PAMR1: variants seen among roughly 807,000 people sequenced by gnomAD.
PAMR1 encodes the protein inactive serine protease PAMR1.
A neutral mutation model predicts 81.8 loss-of-function variants in PAMR1; 88 were observed. That is an observed-to-expected ratio of 1.08 (90% CI 0.91 to 1.28). The LOEUF is 1.28. Ranked by LOEUF, PAMR1 falls within the 50% of genes most tolerant of loss-of-function variation. The probability of loss-of-function intolerance (pLI) is 0.00; values close to 1 mark genes in which losing one functional copy is unlikely to be tolerated. For synonymous variants in PAMR1, 336 were observed against 345.3 expected (o/e 0.97, Z 0.30); for missense variants, 935 against 919.7 (o/e 1.02, Z -0.21).
intron 6 of PAMR1, among the ~76,000 whole-genome samples, chr11:35,445,559 T>C (rs1298027568): frequency 6.7e-6 from 1 of 150,036 alleles, no homozygotes; most frequent in Non-Finnish European, 1.5e-5. Context: ...GGATGTTGAA[T>C]TTTATCAAAG....
At chr11:35,525,719 C>T, upstream of PAMR1, 1 of 700,308 alleles carries the variant, frequency 1.4e-6, no homozygotes, top group Non-Finnish European at 2.5e-6. Context: ...GCTCGCCAGG[C>T]TCTCCCATCC....
chr11:35,432,982 A>C, intron 10 of PAMR1, 90 bp from the exon 11 acceptor site: 3 of 1,139,946 alleles, frequency 2.6e-6, no homozygotes, highest in Non-Finnish European at 3.7e-6. Flanking sequence ...TTTTTGGGAG[A>C]AAATGTCTAA....
intron 5 of PAMR1, among the ~76,000 whole-genome samples, chr11:35,469,121 A>AAAGATT (rs2135377021): frequency 6.6e-6 from 1 of 152,342 alleles, no homozygotes; most frequent in African/African-American, 2.4e-5. Flanking sequence ...GAGCAAGAGA[A>AAAGATT]AAGATTTAGG....
chr11:35,480,332 A>G (rs1050824524), intron 3 of PAMR1, among the ~76,000 whole-genome samples: 3 of 152,198 alleles, frequency 2.0e-5, no homozygotes, highest in African/African-American at 4.8e-5. Flanking sequence ...TCTTCACCCA[A>G]AGTTGCCAGG....
chr11:35,441,460 T>C (rs771892466), intron 7 of PAMR1, 21 bp downstream of exon 7: 1 of 1,578,346 alleles, frequency 6.3e-7, no homozygotes. Flanking sequence ...TCCGTAGACT[T>C]CAGAAACAAT....
At chr11:35,482,754 C>T (rs199979766) in intron 3 of PAMR1, among the ~76,000 whole-genome samples, 2 of 151,986 alleles carry the variant, frequency 1.3e-5, no homozygotes, top group East Asian at 3.9e-4. Flanking sequence ...AGTTAATGTC[C>T]CTTGTTATCT....
At chr11:35,460,449 A>G (rs565743739) in intron 6 of PAMR1, among the ~76,000 whole-genome samples, 2 of 152,034 alleles carry the variant, frequency 1.3e-5, no homozygotes, top group African/African-American at 4.8e-5. Context: ...TACATTAGGT[A>G]TATCTCCTAA....
In PAMR1 at chr11:35,460,784, T is replaced by C. The variant is rs1292203588; in HGVS notation, c.820+7217A>G. Among the ~76,000 whole-genome samples the C allele has an allele frequency of 1.1e-4, 17 of 152,206 alleles. 1 individual carries two copies. Among genetic ancestry groups the C allele is most frequent in the Non-Finnish European group, 2.2e-4 (15 of 68,034 alleles). On this transcript the variant is annotated intron_variant, in intron 6 of 10. Transcript: ENST00000619888. ...ATTGTGAATAGTGCTGCAATAAACATACGTGTGTGTGCATCTTTATAGCAG... is the reference window on the plus strand; with the variant it reads ...ATTGTGAATAGTGCTGCAATAAACACACGTGTGTGTGCATCTTTATAGCAG...
chr11:35,498,106 G>C (rs906606642), intron 1 of PAMR1, among the ~76,000 whole-genome samples: 1 of 152,154 alleles, frequency 6.6e-6, no homozygotes, highest in African/African-American at 2.4e-5. Context: ...AGTGGAATGT[G>C]TGTTATTAAT....
chr11:35,497,241 G>C (rs187351322), intron 1 of PAMR1, among the ~76,000 whole-genome samples: 60 of 152,130 alleles, frequency 3.9e-4, no homozygotes, highest in African/African-American at 1.3e-3. Flanking sequence ...ATATTATTCA[G>C]CCATGAAAAG....
intron 6 of PAMR1, among the ~76,000 whole-genome samples, chr11:35,453,721 T>C (rs552422208): frequency 1.3e-5 from 2 of 152,350 alleles, no homozygotes; most frequent in East Asian, 3.9e-4. Context: ...TTCTTTCCTA[T>C]TTGAGTTTTT....
intron 1 of PAMR1, among the ~76,000 whole-genome samples, chr11:35,499,872 G>A (rs1324254862): frequency 6.6e-6 from 1 of 152,198 alleles, no homozygotes; most frequent in East Asian, 1.9e-4. Context: ...TGAGATGAGA[G>A]GCATATGCTG....
chr11:35,451,295 A>T (rs1257291825), intron 6 of PAMR1, among the ~76,000 whole-genome samples: 2 of 152,236 alleles, frequency 1.3e-5, no homozygotes. Context: ...GAGATTGAGA[A>T]CAATTTAGAT....
chr11:35,436,047 C>T lies in PAMR1; in HGVS notation c.1189G>A (p.Gly397Arg), dbSNP rs1353658377. 1 of 1,613,958 alleles carries T rather than the reference C, an allele frequency of 6.2e-7. No homozygotes were observed. Among genetic ancestry groups the T allele is most frequent in the African/African-American group, 1.3e-5 (1 of 74,892 alleles). ...TGTTGGTATCCCATGGGCAGATCTC[C>T]AAAGGGAAGGGCTGGCTTCTTGGTA... is the stretch of plus-strand genomic sequence containing the variant. Reference protein sequence around the residue: ...APTKKPALPFGDLPMGYQHLH... With the variant: ...APTKKPALPFRDLPMGYQHLH... The change falls in exon 9 of 11, where the codon GGA becomes AGA. Residue 397 changes from glycine (G) to arginine (R), a missense_variant. By Grantham distance (125) the Gly-to-Arg change is moderately radical (BLOSUM62 -2). Transcript: ENST00000619888.
Position 35,432,397 on chromosome 11 carries a change from C to A in PAMR1, c.2122G>T (p.Val708Leu). ...SHRLSTAFTK[V>L]LPFKDWIERN... ...TCAATCCAGTCTTTAAAAGGCAGCA[C>A]CTTGGTGAAGGCAGTGGAGAGCCTG... Residue 708 changes from valine (V) to leucine (L), a missense_variant, in exon 11 of 11, where the codon GTG becomes TTG. Transcript: ENST00000619888. 6.2e-7 allele frequency: 1 copy of A among 1,613,834 alleles called. No homozygotes were observed. Among genetic ancestry groups the A allele is most frequent in the Non-Finnish European group, 8.5e-7 (1 of 1,180,038 alleles).
chr11:35,447,271 C>T lies in PAMR1; in HGVS notation c.821-5578G>A, dbSNP rs185632500. Among the ~76,000 whole-genome samples, 416 of 144,890 alleles carry T rather than the reference C, an allele frequency of 2.9e-3. 3 individuals carry two copies. Among genetic ancestry groups the T allele is most frequent in the Non-Finnish European group, 5.0e-3 (338 of 66,978 alleles). ...AGGCTGCAGTGCAGTGGTGCGATCTCGGCTCACTGCAAGCTCTGCCTCCCA... is the reference window on the plus strand; with the variant it reads ...AGGCTGCAGTGCAGTGGTGCGATCTTGGCTCACTGCAAGCTCTGCCTCCCA... On this transcript the variant is annotated intron_variant, in intron 6 of 10. Transcript: ENST00000619888.
At chr11:35,441,927 A>G (rs1856180120) in intron 6 of PAMR1, among the ~76,000 whole-genome samples, 2 of 152,218 alleles carry the variant, frequency 1.3e-5, no homozygotes, top group South Asian at 2.1e-4. Flanking sequence ...AATAAATTTG[A>G]TGCCAAATCT....
intron 1 of PAMR1, among the ~76,000 whole-genome samples, chr11:35,497,898 T>C (rs556905775): frequency 8.5e-5 from 13 of 152,206 alleles, no homozygotes; most frequent in African/African-American, 3.1e-4. Flanking sequence ...TAGAAAAAAA[T>C]CATATTTTCA....
Position 35,432,168 on chromosome 11 carries a change from G to A in PAMR1, c.*188C>T. On this transcript the variant is annotated 3_prime_UTR_variant, in exon 11 of 11. Coordinates refer to ENST00000619888, the MANE Select transcript of PAMR1 (RefSeq NM_001001991.3). ...CTTCCAATTGGCTGTCCTAGTAGTGGACGCGGCATCAGCCTACCAGCAATG... is the reference window on the plus strand; with the variant it reads ...CTTCCAATTGGCTGTCCTAGTAGTGAACGCGGCATCAGCCTACCAGCAATG... The A allele has an allele frequency of 1.7e-6, 1 of 603,644 alleles. No homozygotes were observed. The highest frequency in any genetic ancestry group is 2.9e-6 in the Non-Finnish European group (1 of 340,818). 37.4% of individuals were successfully genotyped at this position (603,644 alleles called of 1,614,324 possible). A position where few individuals can be genotyped will look rare whatever the true frequency, so the allele number is the denominator to read the frequency against.
Sources: gnomAD v4.1 joint callset for allele counts (sites outside exome capture counted in the v4.1 genomes callset) on GRCh38, gnomAD v4.1.1 for gene constraint, MANE v1.5 for transcripts, NCBI Gene and HGNC (gene_info 2026-07-23, HGNC 2026-07-21) for gene names.